The following TONSL variants were observed in gnomAD, a reference collection of about 807,000 sequenced individuals.
TONSL encodes the protein tonsoku like, DNA repair protein, also known as tonsoku-like protein.
TONSL carries 112 observed loss-of-function variants against 147.1 expected under a neutral mutation model. That is an observed-to-expected ratio of 0.76 (90% CI 0.65 to 0.89). The LOEUF is 0.89. Ranked by LOEUF, TONSL falls within the 40% of genes least tolerant of loss-of-function variation. The pLI is 0.00. For synonymous variants in TONSL, 868 were observed against 801.5 expected (o/e 1.08, Z -1.40); for missense variants, 1,883 against 1,864.6 (o/e 1.01, Z -0.18).
rs185702712 is a variant in TONSL at position 144,436,543 on chromosome 8, G to C, written c.2014+15C>G. The C allele has an allele frequency of 4.4e-4, 705 of 1,607,746 alleles. 1 individual carries two copies. The African/African-American group carries it at 5.7e-3, about 13-fold the overall frequency. On this transcript the variant is annotated intron_variant, in intron 16 of 25. Coordinates refer to ENST00000409379, the MANE Select transcript of TONSL (RefSeq NM_013432.5). The stretch of plus-strand genomic sequence containing the variant: ...TAGGCACAGCAACCCCAGGGACAAG[G>C]GACGCCCTGCTTGCCTTGGCCCGAG...
chr8:144,442,808 T>C lies in TONSL; in HGVS notation c.449-2A>G, dbSNP rs1322348194. 6.2e-7 allele frequency: 1 copy of C among 1,609,780 alleles called. No individual in the cohort carries two copies. Among genetic ancestry groups the C allele is most frequent in the Non-Finnish European group, 8.5e-7 (1 of 1,178,194 alleles). ...TCAGCTCTCCCTGGGCCAGTGTCCC[T>C]GGAAGATACCCCCCCAAACACTCAG... On this transcript the variant is annotated splice_acceptor_variant, in intron 4 of 25. Transcript: ENST00000409379. LOFTEE classifies it high-confidence loss of function.
At chr8:144,431,294 T>G (rs1333336125) in intron 23 of TONSL, 143 bp from the exon 24 acceptor site, 3 of 705,102 alleles carry the variant, frequency 4.3e-6, no homozygotes, top group Non-Finnish European at 7.4e-6. Context: ...ACACCTCTCC[T>G]GATGTGGGTC....
intron 20 of TONSL, 121 bp downstream of exon 20, chr8:144,434,690 A>G (rs1823359427): frequency 1.9e-6 from 2 of 1,076,520 alleles, no homozygotes; most frequent in Non-Finnish European, 2.7e-6. Flanking sequence ...AGCACCCACC[A>G]GGCTGGGGGA....
chr8:144,439,873 G>A (rs1461743691), intron 11 of TONSL, 148 bp downstream of exon 11: 7 of 584,546 alleles, frequency 1.2e-5, no homozygotes, highest in African/African-American at 9.5e-5. Flanking sequence ...CACCTTCTCT[G>A]TCCAGTTCCG....
In TONSL at chr8:144,429,328, C is replaced by A. The variant is rs189786044; in HGVS notation, c.3952G>T (p.Val1318Phe). 2.1e-6 allele frequency: 3 copies of A among 1,447,064 alleles called. No homozygotes were observed. The highest frequency in any genetic ancestry group is 1.4e-5 in the South Asian group (1 of 73,044). The allele number at this position is 1,447,064 out of a possible 1,614,324, so 89.6% of individuals were successfully genotyped here. ...AGGCCCAGGCCCAGGGGACCCTGGA[C>A]GGCGCAGCCTGCGGAGGGGAAGAGG... The part of the protein sequence containing the change: ...LSFLGLSGCA[V>F]QGPLGLGLWD... The change falls in exon 26 of 26, where the codon GTC becomes TTC. Residue 1318 changes from valine (V) to phenylalanine (F), a missense_variant. Physicochemically the swap from Val to Phe is conservative, Grantham distance 50. Coordinates refer to ENST00000409379, the MANE Select transcript of TONSL (RefSeq NM_013432.5).
chr8:144,437,309 C>T (rs1479371563), intron 13 of TONSL, among the ~76,000 whole-genome samples: 3 of 152,254 alleles, frequency 2.0e-5, no homozygotes, highest in African/African-American at 7.2e-5. Flanking sequence ...AGCATATCCT[C>T]CGCCTCTGTG....
rs1333418641 is a variant in TONSL, at chr8:144,440,140, G to A, written c.1361C>T (p.Thr454Ile). The A allele has an allele frequency of 3.1e-6, 5 of 1,611,732 alleles. No homozygotes were observed. Among genetic ancestry groups the A allele is most frequent in the Non-Finnish European group, 3.4e-6 (4 of 1,179,612 alleles). Residue 454 changes from threonine to isoleucine, a missense_variant, in exon 11 of 26, where the codon ACC becomes ATC. Transcript: ENST00000409379. The part of the protein sequence containing the change: ...LQPQEAPETE[T>I]RLRELSVAED... ...AGCTACACTGAGCTCCCGTAGTCTG[G>A]TTTCGGTCTCAGGGGCCTCCTGGGG...
In TONSL at chr8:144,432,391, A is replaced by G. The variant is rs1554878906; in HGVS notation, c.3629T>C (p.Leu1210Pro). ...ALGAPALART[L>P]QSLPAGTLLH... is the part of the protein sequence containing the mutation. The stretch of plus-strand genomic sequence containing the variant: ...GAGGGTGCCGGCGGGCAGGCTCTGC[A>G]GGGTCCTGGCCAGGGCAGGGGCTCC... Residue 1210 changes from leucine to proline, a missense_variant, in exon 23 of 26, where the codon CTG (leucine) becomes CCG (proline). Transcript: ENST00000409379. The G allele has an allele frequency of 1.5e-5, 24 of 1,610,956 alleles. No homozygotes were observed. Among genetic ancestry groups the G allele is most frequent in the Non-Finnish European group, 2.0e-5 (23 of 1,178,766 alleles).
chr8:144,442,689 A>C lies in TONSL; in HGVS notation c.566T>G (p.Ile189Ser), dbSNP rs1336740621. ...ALCNDYFRKS[I>S]FLAEQNHLYE... is the part of the protein sequence containing the mutation. The stretch of plus-strand genomic sequence containing the variant: ...GGCAGGGCCTTACTCCGCAAGGAAG[A>C]TGCTCTTCCTGAAGTAATCGTTGCA... The change falls in exon 5 of 26, where the codon ATC (isoleucine) becomes AGC (serine). Residue 189 changes from isoleucine (I) to serine (S), a missense_variant. Coordinates refer to ENST00000409379, the MANE Select transcript of TONSL (RefSeq NM_013432.5). 6.2e-7 allele frequency: 1 copy of C among 1,612,610 alleles called. No homozygotes were observed. Among genetic ancestry groups the C allele is most frequent in the African/African-American group, 1.3e-5 (1 of 74,912 alleles).
intron 10 of TONSL, 41 bp from the exon 11 acceptor site, chr8:144,440,251 T>C: frequency 6.4e-7 from 1 of 1,565,536 alleles, no homozygotes; most frequent in Non-Finnish European, 8.7e-7. Context: ...CTGGGGGCTG[T>C]GGACGCAGAG....
chr8:144,432,336 G>A lies in TONSL; in HGVS notation c.3684C>T (p.Ala1228=), dbSNP rs782405585. The change falls in exon 23 of 26, where the codon GCC becomes GCT. Residue 1228 remains alanine, a synonymous_variant. Coordinates refer to ENST00000409379, the MANE Select transcript of TONSL (RefSeq NM_013432.5). Reference sequence around the variant, plus strand: ...CCATGAGGTCCGAATCACCCTTGCCGGCTGCCACGGAGCTGAGCTCTAAGT... The same window carrying A: ...CCATGAGGTCCGAATCACCCTTGCCAGCTGCCACGGAGCTGAGCTCTAAGT... ...LLHLELSSVA[A]GKGDSDLMEP... 22 of 1,613,514 alleles carry A rather than the reference G, an allele frequency of 1.4e-5. No homozygotes were observed. Among genetic ancestry groups the A allele is most frequent in the Middle Eastern group, 1.6e-4 (1 of 6,080 alleles).
At position 144,438,681 on chromosome 8, in the gene TONSL, C is replaced by G; in HGVS notation, c.1535G>C (p.Gly512Ala). The change falls in exon 12 of 26, where the codon GGC becomes GCC. Residue 512 changes from glycine to alanine, a missense_variant. By Grantham distance (60) the Gly-to-Ala change is moderately conservative (BLOSUM62 0). Coordinates refer to ENST00000409379, the MANE Select transcript of TONSL (RefSeq NM_013432.5). Reference sequence around the variant, plus strand: ...GCTCCCCTTCCGCCGGCCCAGGTGGCCCTGAAGCTCCTCGTCCTCCTCCAG... The same window carrying G: ...GCTCCCCTTCCGCCGGCCCAGGTGGGCCTGAAGCTCCTCGTCCTCCTCCAG... ...PQLEEDEELQ[G>A]HLGRRKGSKW... The G allele has an allele frequency of 6.2e-7, 1 of 1,613,260 alleles. No individual in the cohort carries two copies.
chr8:144,444,157 C>T (rs1823823522), intron 2 of TONSL, 23 bp downstream of exon 2: 1 of 1,412,638 alleles, frequency 7.1e-7, no homozygotes, highest in Non-Finnish European at 9.2e-7. Flanking sequence ...CCCTGCCTCC[C>T]GCCTCCTGGT....
chr8:144,431,223 C>T (rs150083468), intron 23 of TONSL, 72 bp from the exon 24 acceptor site: 7 of 1,478,848 alleles, frequency 4.7e-6, no homozygotes, highest in Non-Finnish European at 6.6e-6. Context: ...CCAGCAGGTG[C>T]ACCACACCCA....
In TONSL at chr8:144,435,536, G is replaced by A. The variant is rs757767068; in HGVS notation, c.2790C>T (p.Pro930=). 4.5e-6 allele frequency: 7 copies of A among 1,551,190 alleles called. No individual in the cohort carries two copies. Among genetic ancestry groups the A allele is most frequent in the African/African-American group, 4.1e-5 (3 of 73,186 alleles). The change falls in exon 18 of 26, where the codon CCC becomes CCT. Residue 930 remains proline (P), a synonymous_variant. Transcript: ENST00000409379. Reference sequence around the variant, plus strand: ...CTTGAACTCGAACCCGGATGGGAGGGGGCGGGGCCGGACCCTGGCAGGTGA... The same window carrying A: ...CTTGAACTCGAACCCGGATGGGAGGAGGCGGGGCCGGACCCTGGCAGGTGA... The part of the protein sequence containing the change: ...AAGQPLGPAP[P]PPIRVRVQVQ...
Position 144,435,559 on chromosome 8 carries a change from T to C in TONSL, c.2776-9A>G. The C allele has an allele frequency of 6.4e-7, 1 of 1,551,408 alleles. No individual in the cohort carries two copies. The highest frequency in any genetic ancestry group is 1.2e-5 in the South Asian group (1 of 84,244). On this transcript the variant is annotated splice_polypyrimidine_tract_variant and intron_variant, in intron 17 of 25. Coordinates refer to ENST00000409379, the MANE Select transcript of TONSL (RefSeq NM_013432.5). Reference sequence around the variant, plus strand: ...GGGGGCGGGGCCGGACCCTGGCAGGTGAAGGCAGCAGGGCTGAGTCAGGAG... The same window carrying C: ...GGGGGCGGGGCCGGACCCTGGCAGGCGAAGGCAGCAGGGCTGAGTCAGGAG...
intron 19 of TONSL, 44 bp downstream of exon 19, chr8:144,434,973 C>T (rs1331147118): frequency 6.2e-7 from 1 of 1,611,420 alleles, no homozygotes; most frequent in Admixed American, 1.7e-5. Flanking sequence ...CCCGGGGGCT[C>T]CCGGTGCCTG....
Position 144,436,767 on chromosome 8 carries a change from C to A in TONSL, c.1880G>T (p.Arg627Leu). 1.2e-6 allele frequency: 2 copies of A among 1,610,672 alleles called. No individual in the cohort carries two copies. Among genetic ancestry groups the A allele is most frequent in the Middle Eastern group, 1.7e-4 (1 of 6,058 alleles). ...LLERGASVTL[R>L]TRKGLSPLET... The stretch of plus-strand genomic sequence containing the variant: ...CCCCACCAGGCTCACCTTTCGAGTG[C>A]GGAGGGTGACGGACGCCCCCCGTTC... Residue 627 changes from arginine (R) to leucine (L), a missense_variant, in exon 15 of 26, where the codon CGC (arginine) becomes CTC (leucine). Transcript: ENST00000409379.
In TONSL at chr8:144,434,857, G is replaced by A. The variant is rs769263844; in HGVS notation, c.3039C>T (p.Pro1013=). The change falls in exon 20 of 26, where the codon CCC becomes CCT. Residue 1013 remains proline, a synonymous_variant. Transcript: ENST00000409379. The part of the protein sequence containing the change: ...VLAEVTSWDL[P]PLTDRYRRAC... The stretch of plus-strand genomic sequence containing the variant: ...CCCTGCGGTAGCGGTCAGTCAACGG[G>A]GGCAGGTCCCACGAAGTCACCTCAG... 6.8e-6 allele frequency: 11 copies of A among 1,613,426 alleles called. No individual in the cohort carries two copies. The African/African-American group carries it at 8.0e-5, about 12-fold the overall frequency.
Sources: gnomAD v4.1 joint callset for allele counts (sites outside exome capture counted in the v4.1 genomes callset) on GRCh38, gnomAD v4.1.1 for gene constraint, MANE v1.5 for transcripts, NCBI Gene and HGNC (gene_info 2026-07-23, HGNC 2026-07-21) for gene names.